The following AFF3 variants were observed in gnomAD, a reference collection of about 807,000 sequenced individuals.
The protein encoded by AFF3 is AF4/FMR2 family member 3.
Under a neutral mutation model 129.7 loss-of-function variants are expected in AFF3, and 32 were observed. The ratio of observed to expected loss-of-function variants is 0.25; its 90% CI spans 0.19 to 0.33. The LOEUF (loss-of-function observed/expected upper bound fraction) is 0.33, where lower values mean the gene tolerates loss of function less well. AFF3 is among the 10% of genes least tolerant of loss of function. AFF3 has a pLI of 1.00. For missense variants in AFF3, 1,373 were observed against 1,592.0 expected (o/e 0.86, Z 2.34); for synonymous variants, 644 against 635.4 (o/e 1.01, Z -0.20).
At chr2:100,090,551 GTAATAGCT>G (rs1325821454) in intron 4 of AFF3, among the ~76,000 whole-genome samples, 1 of 152,162 alleles carries the variant, frequency 6.6e-6, no homozygotes, top group African/African-American at 2.4e-5. Context: ...TCTAAAATCT[GTAATAGCT>G]TGAACACAAT....
At chr2:99,602,780 A>C (rs1679964349) in intron 13 of AFF3, among the ~76,000 whole-genome samples, 1 of 152,160 alleles carries the variant, frequency 6.6e-6, no homozygotes, top group African/African-American at 2.4e-5. Flanking sequence ...GGACATGGTA[A>C]AGGACTTGTT....
intron 8 of AFF3, among the ~76,000 whole-genome samples, chr2:99,763,550 A>T (rs987510948): frequency 1.4e-5 from 2 of 145,626 alleles, no homozygotes; most frequent in Non-Finnish European, 3.0e-5. Flanking sequence ...CCTGTCTTTA[A>T]TCACAACAAC....
At chr2:100,056,320 C>T (rs1686783264) in intron 4 of AFF3, among the ~76,000 whole-genome samples, 1 of 152,214 alleles carries the variant, frequency 6.6e-6, no homozygotes, top group East Asian at 1.9e-4. Flanking sequence ...CCATTACTCA[C>T]TGCTGCCTTA....
At chr2:100,011,588 C>G in intron 4 of AFF3, 1 of 780,876 alleles carries the variant, frequency 1.3e-6, no homozygotes, top group Non-Finnish European at 2.4e-6. Context: ...GAAATATAAA[C>G]ACCACAAGAA....
chr2:99,689,115 T>C lies in AFF3; in HGVS notation c.1092-16526A>G, dbSNP rs114284195. 5.1e-3 allele frequency among the ~76,000 whole-genome samples: 779 copies of C among 152,318 alleles called. 6 individuals carry two copies. Among genetic ancestry groups the C allele is most frequent in the African/African-American group, 0.017 (715 of 41,564 alleles). On this transcript the variant is annotated intron_variant, in intron 11 of 24. Coordinates refer to ENST00000672756, the MANE Select transcript of AFF3 (RefSeq NM_001386135.1). The stretch of plus-strand genomic sequence containing the variant: ...GGAATTCCTCCCTTTCTCCATCCCT[T>C]GTGACGCTGCTTCGGTTTACATTTC...
At chr2:99,744,008 C>A in intron 10 of AFF3, 96 bp downstream of exon 10, 2 of 1,080,556 alleles carry the variant, frequency 1.9e-6, no homozygotes, top group Non-Finnish European at 2.6e-6. Flanking sequence ...TTCTTTGAAA[C>A]CTACTGTCCA....
At chr2:99,857,774 T>C (rs1452789415) in intron 7 of AFF3, among the ~76,000 whole-genome samples, 2 of 152,212 alleles carry the variant, frequency 1.3e-5, no homozygotes, top group Non-Finnish European at 2.9e-5. Flanking sequence ...GTCTCCATTG[T>C]CACATTTTTC....
intron 7 of AFF3, among the ~76,000 whole-genome samples, chr2:99,969,373 C>A (rs1030992538): frequency 2.0e-5 from 3 of 152,190 alleles, no homozygotes; most frequent in Non-Finnish European, 4.4e-5. Flanking sequence ...GGAGTAAACT[C>A]CTTTGTCTAT....
At chr2:100,126,772 A>G (rs1484315777) in intron 2 of AFF3, among the ~76,000 whole-genome samples, 1 of 152,240 alleles carries the variant, frequency 6.6e-6, no homozygotes, top group Non-Finnish European at 1.5e-5. Flanking sequence ...CAGTGGCCCC[A>G]GGGAATTTTT....
chr2:99,628,535 T>C (rs1352855658), intron 13 of AFF3, among the ~76,000 whole-genome samples: 1 of 152,016 alleles, frequency 6.6e-6, no homozygotes, highest in Non-Finnish European at 1.5e-5. Context: ...TCTCTTCCTA[T>C]TTGAATACCC....
At chr2:100,122,070 A>G (rs1208770015) in intron 2 of AFF3, among the ~76,000 whole-genome samples, 1 of 152,214 alleles carries the variant, frequency 6.6e-6, no homozygotes, top group African/African-American at 2.4e-5. Flanking sequence ...CTCCGTCTCA[A>G]AAAAATAAAT....
chr2:99,548,613 C>T lies in AFF3; in HGVS notation c.*2861G>A, dbSNP rs1468722640. 4.4e-5 allele frequency: 9 copies of T among 204,328 alleles called. No homozygotes were observed. The highest frequency in any genetic ancestry group is 8.0e-5 in the Non-Finnish European group (8 of 100,024). 12.7% of individuals were successfully genotyped at this position (204,328 alleles called of 1,614,324 possible). On this transcript the variant is annotated 3_prime_UTR_variant, in exon 25 of 25. Coordinates refer to ENST00000672756, the MANE Select transcript of AFF3 (RefSeq NM_001386135.1). ...AAAAAATTAGCCGGGTGTGGTGGCA[C>T]GTGCCTATCTTCCCAGCTGCTTGGG...
intron 7 of AFF3, among the ~76,000 whole-genome samples, chr2:99,951,135 A>G (rs2106385585): frequency 6.6e-6 from 1 of 152,354 alleles, no homozygotes; most frequent in Non-Finnish European, 1.5e-5. Context: ...ACCCTTAAGC[A>G]AAGAATGAAT....
chr2:99,896,620 CTTTTTTT>C (rs35573862), intron 7 of AFF3, among the ~76,000 whole-genome samples: 43 of 36,068 alleles, frequency 1.2e-3, no homozygotes, highest in Non-Finnish European at 1.4e-3. Context: ...TGTCAAAATG[CTTTTTTT>C]TTTTTTTTTT....
At chr2:99,791,980 G>T (rs997806175) in intron 8 of AFF3, among the ~76,000 whole-genome samples, 2 of 152,064 alleles carry the variant, frequency 1.3e-5, no homozygotes, top group Non-Finnish European at 2.9e-5. Context: ...TTATAGTGCT[G>T]TTAGCTGTGA....
chr2:99,719,263 G>A (rs111892430), intron 11 of AFF3, among the ~76,000 whole-genome samples: 1 of 151,480 alleles, frequency 6.6e-6, no homozygotes, highest in Non-Finnish European at 1.5e-5. Context: ...ATTTTCTAAT[G>A]GTAAACCAAC....
intron 7 of AFF3, among the ~76,000 whole-genome samples, chr2:99,920,324 AAC>A (rs1467044783): frequency 6.6e-6 from 1 of 152,026 alleles, no homozygotes; most frequent in Non-Finnish European, 1.5e-5. Context: ...ATCATCTAGA[AAC>A]ATATAAAAAA....
chr2:100,008,534 G>A (rs1197720167), intron 5 of AFF3, among the ~76,000 whole-genome samples: 1 of 152,122 alleles, frequency 6.6e-6, no homozygotes, highest in Non-Finnish European at 1.5e-5. Context: ...TCAACGCGGA[G>A]ATGAAGTCTG....
chr2:99,885,594 C>G (rs1693054612), intron 7 of AFF3, among the ~76,000 whole-genome samples: 1 of 152,168 alleles, frequency 6.6e-6, no homozygotes, highest in Non-Finnish European at 1.5e-5. Flanking sequence ...CCAGGAGTTG[C>G]TGATTTCAGG....
Sources: gnomAD v4.1 joint callset for allele counts (sites outside exome capture counted in the v4.1 genomes callset) on GRCh38, gnomAD v4.1.1 for gene constraint, MANE v1.5 for transcripts, NCBI Gene and HGNC (gene_info 2026-07-23, HGNC 2026-07-21) for gene names.